INPP4B: variants seen among roughly 807,000 people sequenced by gnomAD.
The protein encoded by INPP4B is inositol polyphosphate 4-phosphatase type II.
A neutral mutation model predicts 122.5 loss-of-function variants in INPP4B; 55 were observed. The observed-to-expected ratio is 0.45, with a 90% confidence interval of 0.36 to 0.56. INPP4B has a LOEUF of 0.56. Ranked by LOEUF, INPP4B falls within the 20% of genes least tolerant of loss-of-function variation. The pLI is 0.00. For synonymous variants in INPP4B, 403 were observed against 388.7 expected, an observed-to-expected ratio of 1.04 and a Z score of -0.43; for missense variants, 1,000 against 1,097.7, an observed-to-expected ratio of 0.91 and a Z score of 1.26.
At chr4:142,104,732 G>T (rs1786137829) in intron 23 of INPP4B, among the ~76,000 whole-genome samples, 1 of 152,058 alleles carries the variant, frequency 6.6e-6, no homozygotes, top group Non-Finnish European at 1.5e-5. Context: ...AATCACAGAT[G>T]CTCAATTTTC....
At chr4:142,565,627 G>A (rs1319415545) in intron 2 of INPP4B, among the ~76,000 whole-genome samples, 2 of 152,080 alleles carry the variant, frequency 1.3e-5, no homozygotes, top group Non-Finnish European at 2.9e-5. Context: ...AATCATTAAC[G>A]GATACTAAAA....
At chr4:142,148,826 T>C (rs1812206825) in intron 17 of INPP4B, among the ~76,000 whole-genome samples, 1 of 152,170 alleles carries the variant, frequency 6.6e-6, no homozygotes, top group Admixed American at 6.6e-5. Context: ...ACATATATGG[T>C]AGGCAGAATA....
intron 3 of INPP4B, among the ~76,000 whole-genome samples, chr4:142,452,912 A>T (rs186828042): frequency 5.6e-5 from 7 of 125,106 alleles, no homozygotes; most frequent in African/African-American, 1.3e-4. Context: ...ACAACGGTTT[A>T]AAAAAAAAAT....
chr4:142,276,809 T>TATACAA (rs1748658177), intron 9 of INPP4B, among the ~76,000 whole-genome samples: 1 of 151,892 alleles, frequency 6.6e-6, no homozygotes, highest in Admixed American at 6.6e-5. Flanking sequence ...TATGAGGAAT[T>TATACAA]ATACAAATAC....
intron 2 of INPP4B, among the ~76,000 whole-genome samples, chr4:142,518,387 G>T (rs1294954011): frequency 6.6e-6 from 1 of 152,098 alleles, no homozygotes; most frequent in African/African-American, 2.4e-5. Context: ...ACTTCACCTA[G>T]CAGAAATCAG....
In INPP4B at chr4:142,407,704, G is replaced by A. The variant is rs150670615; in HGVS notation, c.137-2380C>T. On this transcript the variant is annotated intron_variant, in intron 5 of 25. Transcript: ENST00000262992. The stretch of plus-strand genomic sequence containing the variant: ...GGATTTACTGTACCCTAAGTCTTAT[G>A]CAGCATGATATCCTGGAGAGAACCC... Among the ~76,000 whole-genome samples, 50 of 152,084 alleles carry A rather than the reference G, an allele frequency of 3.3e-4. No individual in the cohort carries two copies. The East Asian group carries it at 9.3e-3, about 28-fold the overall frequency.
At chr4:142,163,452 T>C (rs933449027) in intron 16 of INPP4B, among the ~76,000 whole-genome samples, 1 of 151,900 alleles carries the variant, frequency 6.6e-6, no homozygotes, top group African/African-American at 2.4e-5. Flanking sequence ...AGCCTAACAC[T>C]ACATCATTCC....
At chr4:142,557,658 T>A (rs903420283) in intron 2 of INPP4B, among the ~76,000 whole-genome samples, 1 of 152,094 alleles carries the variant, frequency 6.6e-6, no homozygotes, top group Non-Finnish European at 1.5e-5. Context: ...CCCCAACATG[T>A]CGGAAGTTGT....
At chr4:142,524,157 C>A (rs1314998133) in intron 2 of INPP4B, among the ~76,000 whole-genome samples, 1 of 152,008 alleles carries the variant, frequency 6.6e-6, no homozygotes, top group East Asian at 1.9e-4. Flanking sequence ...ATTTATAGTC[C>A]TTTGGGTATA....
intron 18 of INPP4B, among the ~76,000 whole-genome samples, chr4:142,138,253 G>A (rs1327514052): frequency 6.6e-6 from 1 of 151,556 alleles, no homozygotes; most frequent in Non-Finnish European, 1.5e-5. Context: ...GGATGAAACT[G>A]GAAATCATCA....
At chr4:142,579,437 T>C (rs1734536132) in intron 2 of INPP4B, among the ~76,000 whole-genome samples, 1 of 151,992 alleles carries the variant, frequency 6.6e-6, no homozygotes. Flanking sequence ...GACTAAGCCA[T>C]GGAGTGCCCA....
chr4:142,797,901 C>T (rs1162530959), intron 1 of INPP4B, among the ~76,000 whole-genome samples: 1 of 151,630 alleles, frequency 6.6e-6, no homozygotes, highest in African/African-American at 2.4e-5. Flanking sequence ...CTCATCAAAA[C>T]AAGAATGGAA....
Position 142,122,119 on chromosome 4 carries a change from A to G in INPP4B, c.2135+9T>C. On this transcript the variant is annotated intron_variant, in intron 21 of 25. Coordinates refer to ENST00000262992, the MANE Select transcript of INPP4B (RefSeq NM_001101669.3). ...AAAGCCTGGTCTTCAGGAAGTGAGC[A>G]CTGCTTACCGTCTTCCTGTTATAAC... is the stretch of plus-strand genomic sequence containing the variant. The G allele has an allele frequency of 1.3e-6, 2 of 1,564,792 alleles. No homozygotes were observed. Among genetic ancestry groups the G allele is most frequent in the Admixed American group, 3.4e-5 (2 of 58,912 alleles).
intron 2 of INPP4B, among the ~76,000 whole-genome samples, chr4:142,478,746 TC>T (rs1478725750): frequency 1.1e-4 from 16 of 152,202 alleles, no homozygotes; most frequent in African/African-American, 3.9e-4. Flanking sequence ...CCTAAAGTTT[TC>T]TTTTTTCTGC....
In INPP4B at chr4:142,173,726, G is replaced by T; in HGVS notation, c.1265C>A (p.Pro422His). 1 of 1,613,312 alleles carries T rather than the reference G, an allele frequency of 6.2e-7. No individual in the cohort carries two copies. Among genetic ancestry groups the T allele is most frequent in the African/African-American group, 1.3e-5 (1 of 74,974 alleles). The change falls in exon 16 of 26, where the codon CCT becomes CAT. Residue 422 changes from proline to histidine, a missense_variant. By Grantham distance (77) the Pro-to-His change is moderately conservative (BLOSUM62 -2). Coordinates refer to ENST00000262992, the MANE Select transcript of INPP4B (RefSeq NM_001101669.3). ...EVLSNINQLQ[P>H]LIATHADLLL... ...TAGGTCTGCATGGGTTGCTATAAGA[G>T]GTTGTAGTTGATTGATGTTGCTGAG...
rs773640823 is a variant in INPP4B, at chr4:142,248,318, TTCTC to T, written c.689-10311_689-10308del. Among the ~76,000 whole-genome samples, 272 of 145,152 alleles carry T rather than the reference TTCTC, an allele frequency of 1.9e-3. 2 individuals carry two copies. The highest frequency in any genetic ancestry group is 7.0e-3 in the Middle Eastern group (2 of 284). On this transcript the variant is annotated intron_variant, in intron 11 of 25. Coordinates refer to ENST00000262992, the MANE Select transcript of INPP4B (RefSeq NM_001101669.3). ...CCTTTCCCTCTCTCTGTCTCTGTGT[TTCTC>T]TCTCTCTCTCTCTCTTTTTTTTTTT...
chr4:142,619,986 T>A (rs148662006), intron 2 of INPP4B, among the ~76,000 whole-genome samples: 1 of 152,086 alleles, frequency 6.6e-6, no homozygotes, highest in Non-Finnish European at 1.5e-5. Context: ...TAACCTCGTT[T>A]TTTAAAGATG....
intron 12 of INPP4B, among the ~76,000 whole-genome samples, chr4:142,232,421 A>G (rs960679300): frequency 6.6e-6 from 1 of 151,982 alleles, no homozygotes. Flanking sequence ...AGTCATGGCA[A>G]CCTGTGATCA....
intron 2 of INPP4B, chr4:142,654,383 A>C (rs556131006): frequency 1.1e-3 from 160 of 151,156 alleles, no homozygotes; most frequent in African/African-American, 3.2e-3. Context: ...AAAAAAAAAA[A>C]AAAAAACATA....
Sources: allele counts gnomAD v4.1 joint callset (sites outside exome capture counted in the v4.1 genomes callset), GRCh38; gene constraint gnomAD v4.1.1; transcripts MANE v1.5; gene names NCBI Gene and HGNC (gene_info 2026-07-23, HGNC 2026-07-21).